Variants in PRKCA observed in about 807,000 individuals in gnomAD.
PRKCA encodes the protein protein kinase C alpha type.
PRKCA carries 27 observed loss-of-function variants against 87.0 expected under a neutral mutation model. The ratio of observed to expected loss-of-function variants is 0.31; its 90% CI spans 0.23 to 0.43. The LOEUF is 0.43. PRKCA is among the 20% of genes least tolerant of loss of function. The pLI, the probability that PRKCA is intolerant of heterozygous loss-of-function variation, is 1.00. For synonymous variants in PRKCA, 329 were observed against 311.1 expected (o/e 1.06, Z -0.61); for missense variants, 518 against 852.3 (o/e 0.61, Z 4.88).
At chr17:66,756,528 A>G (rs929959907) in intron 13 of PRKCA, among the ~76,000 whole-genome samples, 2 of 152,044 alleles carry the variant, frequency 1.3e-5, no homozygotes, top group African/African-American at 2.4e-5. Flanking sequence ...CCAGCCCTCA[A>G]GAAAACAATT....
intron 3 of PRKCA, among the ~76,000 whole-genome samples, chr17:66,559,479 C>CAA (rs34998780): frequency 0.02 from 733 of 36,696 alleles, 152 homozygotes; most frequent in African/African-American, 0.056. Context: ...TCTGTCTCAC[C>CAA]AAAAAAAAAA....
At chr17:66,624,886 T>G (rs78191094) in intron 3 of PRKCA, among the ~76,000 whole-genome samples, 4,331 of 152,090 alleles carry the variant, frequency 0.028, 213 homozygotes, top group African/African-American at 0.099. Flanking sequence ...TTAAAAGAAA[T>G]TTAAAGAATT....
chr17:66,394,898 T>C (rs1910574213), intron 2 of PRKCA, among the ~76,000 whole-genome samples: 1 of 152,184 alleles, frequency 6.6e-6, no homozygotes, highest in South Asian at 2.1e-4. Context: ...TCCTGAGGCC[T>C]CCCCAGCCAT....
chr17:66,685,932 G>T (rs1972614618), intron 5 of PRKCA, among the ~76,000 whole-genome samples: 1 of 152,204 alleles, frequency 6.6e-6, no homozygotes, highest in Non-Finnish European at 1.5e-5. Flanking sequence ...TCACCCCAGA[G>T]TTCTGATTCA....
At chr17:66,630,594 T>A (rs1158953193) in intron 3 of PRKCA, among the ~76,000 whole-genome samples, 1 of 152,254 alleles carries the variant, frequency 6.6e-6, no homozygotes, top group South Asian at 2.1e-4. Context: ...TGTTCCTTCA[T>A]CTCTAGGTCC....
At chr17:66,366,039 T>C (rs977786952) in intron 2 of PRKCA, among the ~76,000 whole-genome samples, 3 of 152,214 alleles carry the variant, frequency 2.0e-5, no homozygotes, top group Admixed American at 6.5e-5. Flanking sequence ...TTTTGAAGTT[T>C]GCTTTATCCT....
chr17:66,517,941 G>C (rs4791054), intron 3 of PRKCA, among the ~76,000 whole-genome samples: 2 of 151,958 alleles, frequency 1.3e-5, no homozygotes, highest in Non-Finnish European at 2.9e-5. Context: ...TTGTGAGTAC[G>C]GCTGCAGGTT....
chr17:66,629,436 A>T (rs1425457108), intron 3 of PRKCA, among the ~76,000 whole-genome samples: 1 of 152,132 alleles, frequency 6.6e-6, no homozygotes, highest in African/African-American at 2.4e-5. Flanking sequence ...CAATGACCTG[A>T]TCCTGTTTTT....
At chr17:66,706,912 G>A (rs1973207291) in intron 8 of PRKCA, among the ~76,000 whole-genome samples, 1 of 152,118 alleles carries the variant, frequency 6.6e-6, no homozygotes, top group Admixed American at 6.5e-5. Context: ...CTGGGTTAAT[G>A]GAATAATAGG....
At chr17:66,368,718 C>T (rs769520939) in intron 2 of PRKCA, among the ~76,000 whole-genome samples, 13 of 151,904 alleles carry the variant, frequency 8.6e-5, no homozygotes, top group East Asian at 3.9e-4. Flanking sequence ...TCATGTTTCT[C>T]GTTCATAATA....
At chr17:66,440,287 G>T (rs1409962431) in intron 2 of PRKCA, among the ~76,000 whole-genome samples, 6 of 152,348 alleles carry the variant, frequency 3.9e-5, no homozygotes, top group African/African-American at 1.4e-4. Flanking sequence ...AAAGCTACAG[G>T]ACGGAAAGGA....
At chr17:66,719,756 G>A (rs1036450342) in intron 8 of PRKCA, among the ~76,000 whole-genome samples, 2 of 152,262 alleles carry the variant, frequency 1.3e-5, no homozygotes, top group South Asian at 2.1e-4. Context: ...GATAGAGCGA[G>A]ACTCCGTCTC....
At chr17:66,638,138 GTGTGTA>G (rs1567947169) in intron 3 of PRKCA, 4 of 144,970 alleles carry the variant, frequency 2.8e-5, no homozygotes, top group African/African-American at 7.9e-5. Flanking sequence ...GTGTGTGTGT[GTGTGTA>G]TATATATATA....
intron 6 of PRKCA, among the ~76,000 whole-genome samples, chr17:66,687,568 T>C (rs1240247347): frequency 1.3e-5 from 2 of 152,220 alleles, no homozygotes; most frequent in Non-Finnish European, 2.9e-5. Context: ...GTGTCAGGTG[T>C]GTCCACCTCT....
At chr17:66,713,554 G>A (rs1027743756) in intron 8 of PRKCA, among the ~76,000 whole-genome samples, 7 of 152,174 alleles carry the variant, frequency 4.6e-5, no homozygotes, top group African/African-American at 1.4e-4. Context: ...GACATGTTTT[G>A]TGTTGGTGCT....
At chr17:66,659,303 G>A (rs1008975543) in intron 5 of PRKCA, among the ~76,000 whole-genome samples, 1 of 152,190 alleles carries the variant, frequency 6.6e-6, no homozygotes, top group Non-Finnish European at 1.5e-5. Flanking sequence ...TCTTGTTTGA[G>A]ATGATATTCA....
intron 3 of PRKCA, among the ~76,000 whole-genome samples, chr17:66,592,789 A>T (rs1969848593): frequency 7.7e-6 from 1 of 129,584 alleles, no homozygotes; most frequent in Non-Finnish European, 1.8e-5. Context: ...ATTCATTTTT[A>T]TTTATTTATT....
At chr17:66,766,449 A>G (rs1188640828) in intron 13 of PRKCA, among the ~76,000 whole-genome samples, 1 of 152,138 alleles carries the variant, frequency 6.6e-6, no homozygotes, top group African/African-American at 2.4e-5. Flanking sequence ...TATTTGTAGA[A>G]TATAGGATAG....
chr17:66,461,205 C>CAA (rs34496253), intron 2 of PRKCA, among the ~76,000 whole-genome samples: 1,850 of 92,928 alleles, frequency 0.02, 33 homozygotes, highest in East Asian at 0.16. Flanking sequence ...GACCCCATCT[C>CAA]AAAAAAAAAA....
Sources: allele counts gnomAD v4.1 joint callset (sites outside exome capture counted in the v4.1 genomes callset), GRCh38; gene constraint gnomAD v4.1.1; transcripts MANE v1.5; gene names NCBI Gene and HGNC (gene_info 2026-07-23, HGNC 2026-07-21).